Variants in FREM2 observed in about 807,000 individuals in gnomAD.
FREM2 encodes FRAS1-related extracellular matrix protein 2.
Under a neutral mutation model 219.9 loss-of-function variants are expected in FREM2, and 119 were observed. The ratio of observed to expected loss-of-function variants is 0.54; its 90% confidence interval spans 0.47 to 0.63. FREM2 has a LOEUF of 0.63. Among genes scored for constraint, FREM2 ranks in the 30% least tolerant of loss-of-function variants. The probability of loss-of-function intolerance (pLI) is 0.00; values close to 1 mark genes in which losing one functional copy is unlikely to be tolerated. For missense variants in FREM2, 4,030 were observed against 3,993.6 expected (o/e 1.01, Z -0.25); for synonymous variants, 1,562 against 1,522.8 (o/e 1.03, Z -0.60).
At chr13:38,737,825 CT>C (rs1872060184) in intron 2 of FREM2, among the ~76,000 whole-genome samples, 1 of 152,130 alleles carries the variant, frequency 6.6e-6, no homozygotes, top group Non-Finnish European at 1.5e-5. Flanking sequence ...AGGTTTTAGA[CT>C]TTATCCTCAA....
At chr13:38,704,894 C>T (rs1184446485) in intron 2 of FREM2, among the ~76,000 whole-genome samples, 1 of 151,976 alleles carries the variant, frequency 6.6e-6, no homozygotes, top group African/African-American at 2.4e-5. Context: ...ACTTTTAAAC[C>T]ATCAGATCTC....
At position 38,848,518 on chromosome 13, in the gene FREM2, TG is replaced by T; in HGVS notation, c.6228del (p.Met2076IlefsTer31). 6.2e-7 allele frequency: 1 copy of T among 1,614,096 alleles called. No homozygotes were observed. The highest frequency in any genetic ancestry group is 8.5e-7 in the Non-Finnish European group (1 of 1,179,974). On this transcript the variant is annotated frameshift_variant, in exon 8 of 24. Transcript: ENST00000280481. LOFTEE classifies it high-confidence loss of function. ...RNLDFAPGVN[M>X]QPVRVVILDD... The stretch of plus-strand genomic sequence containing the variant: ...TTAGATTTTGCACCTGGAGTCAACA[TG>T]CAGCCTGTTCGTGTTGTCATTCTGG...
At chr13:38,698,641 A>G (rs1870216533) in intron 2 of FREM2, among the ~76,000 whole-genome samples, 1 of 152,174 alleles carries the variant, frequency 6.6e-6, no homozygotes, top group Non-Finnish European at 1.5e-5. Context: ...TATGTGAGAG[A>G]GCAGAGAGAG....
chr13:38,688,551 G>A lies in FREM2; in HGVS notation c.1207G>A (p.Asp403Asn). The stretch of plus-strand genomic sequence containing the variant: ...CTACCAGCCCCCTTCTGAAGACTCT[G>A]ACCAGGAGCGCCTCTTTGAACTGGA... ...IAYQPPSEDS[D>N]QERLFELELE... The change falls in exon 1 of 24, where the codon GAC becomes AAC. Residue 403 changes from aspartate (D) to asparagine (N), a missense_variant. Physicochemically the swap from Asp to Asn is conservative, Grantham distance 23. Coordinates refer to ENST00000280481, the MANE Select transcript of FREM2 (RefSeq NM_207361.6). 1 of 1,613,746 alleles carries A rather than the reference G, an allele frequency of 6.2e-7. No homozygotes were observed. Among genetic ancestry groups the A allele is most frequent in the South Asian group, 1.1e-5 (1 of 91,012 alleles).
intron 2 of FREM2, among the ~76,000 whole-genome samples, chr13:38,715,330 G>A (rs533658856): frequency 6.6e-6 from 1 of 152,306 alleles, no homozygotes; most frequent in African/African-American, 2.4e-5. Context: ...TCAAAAAGTA[G>A]GGAAGGGTGG....
chr13:38,719,883 C>CA (rs1871154554), intron 2 of FREM2, among the ~76,000 whole-genome samples: 1 of 152,102 alleles, frequency 6.6e-6, no homozygotes, highest in South Asian at 2.1e-4. Context: ...TTCTCCTTTG[C>CA]AAAAATATCT....
At chr13:38,711,684 T>C (rs979013821) in intron 2 of FREM2, among the ~76,000 whole-genome samples, 6 of 152,200 alleles carry the variant, frequency 3.9e-5, no homozygotes, top group Non-Finnish European at 8.8e-5. Context: ...CATGCATAGA[T>C]AGTTTTTAAA....
chr13:38,880,866 C>T lies in FREM2; in HGVS notation c.*79C>T. The T allele has an allele frequency of 2.6e-6, 4 of 1,514,130 alleles. No homozygotes were observed. Among genetic ancestry groups the T allele is most frequent in the Non-Finnish European group, 3.6e-6 (4 of 1,096,566 alleles). 93.8% of individuals were successfully genotyped at this position (1,514,130 alleles called of 1,614,324 possible). On this transcript the variant is annotated 3_prime_UTR_variant, in exon 24 of 24. Transcript: ENST00000280481. ...TGGAACCTTAAATACTTCTGGTAAA[C>T]CATAGAGAATGGAGGATGGCTGTGA...
chr13:38,852,045 AG>A (rs1365820702), intron 11 of FREM2, among the ~76,000 whole-genome samples, 177 bp downstream of exon 11: 2 of 152,180 alleles, frequency 1.3e-5, no homozygotes, highest in African/African-American at 4.8e-5. Flanking sequence ...TATATTATGT[AG>A]TAGTGAAGTC....
chr13:38,746,405 A>G (rs879671567), intron 2 of FREM2, among the ~76,000 whole-genome samples: 6 of 152,188 alleles, frequency 3.9e-5, no homozygotes, highest in Admixed American at 2.0e-4. Flanking sequence ...GCCATAACAC[A>G]TAAAAATGGC....
intron 6 of FREM2, among the ~76,000 whole-genome samples, chr13:38,789,710 A>G (rs1874482068): frequency 6.6e-6 from 1 of 150,850 alleles, no homozygotes. Flanking sequence ...TATTTTGATA[A>G]CTATATTTGC....
chr13:38,693,615 C>T (rs1426842673), intron 1 of FREM2, among the ~76,000 whole-genome samples: 1 of 152,212 alleles, frequency 6.6e-6, no homozygotes, highest in African/African-American at 2.4e-5. Context: ...AGAATGGACA[C>T]TAGATCTTTC....
chr13:38,857,195 G>T (rs981122835), intron 12 of FREM2, among the ~76,000 whole-genome samples: 6 of 152,142 alleles, frequency 3.9e-5, no homozygotes, highest in Admixed American at 1.3e-4. Flanking sequence ...AGCGATGAAA[G>T]CTTCTTTTAA....
rs1317880287 is a variant in FREM2, at chr13:38,880,335, A to G, written c.9058A>G (p.Lys3020Glu). Residue 3020 changes from lysine (K) to glutamate (E), a missense_variant, in exon 24 of 24, where the codon AAA (lysine) becomes GAA (glutamate). Physicochemically the swap from Lys to Glu is moderately conservative, Grantham distance 56. Coordinates refer to ENST00000280481, the MANE Select transcript of FREM2 (RefSeq NM_207361.6). ...YIHTIYTVRS[K>E]DNANRGIGKR... ...ACATACGATCTATACAGTGAGATCG[A>G]AAGACAATGCCAATCGAGGTATTGG... 5.0e-5 allele frequency: 81 copies of G among 1,613,992 alleles called. No homozygotes were observed. Among genetic ancestry groups the G allele is most frequent in the Non-Finnish European group, 6.9e-5 (81 of 1,180,002 alleles).
chr13:38,710,691 G>T (rs1021030470), intron 2 of FREM2, among the ~76,000 whole-genome samples: 4 of 152,212 alleles, frequency 2.6e-5, no homozygotes, highest in Admixed American at 6.5e-5. Context: ...CAATAAATAC[G>T]TGTGGAGTGA....
At chr13:38,854,480 G>A (rs139006443) in intron 11 of FREM2, among the ~76,000 whole-genome samples, 11 of 152,204 alleles carry the variant, frequency 7.2e-5, no homozygotes, top group Admixed American at 2.0e-4. Flanking sequence ...CCTAGTGTTC[G>A]TAGTCTTCTG....
chr13:38,704,776 T>A (rs1270511891), intron 2 of FREM2, among the ~76,000 whole-genome samples: 1 of 152,190 alleles, frequency 6.6e-6, no homozygotes, highest in Non-Finnish European at 1.5e-5. Context: ...CAGTTATGCA[T>A]GGCTGGGGAG....
chr13:38,766,273 G>C (rs1727096101), intron 3 of FREM2, among the ~76,000 whole-genome samples: 1 of 151,814 alleles, frequency 6.6e-6, no homozygotes, highest in East Asian at 1.9e-4. Flanking sequence ...AGCTCTTTTT[G>C]TTGTTATTTT....
chr13:38,737,103 CAT>C (rs1383455221), intron 2 of FREM2, among the ~76,000 whole-genome samples: 1 of 152,154 alleles, frequency 6.6e-6, no homozygotes, highest in Non-Finnish European at 1.5e-5. Context: ...GTGAGTGTAT[CAT>C]GTGTGGGGAT....
Sources: allele counts gnomAD v4.1 joint callset (sites outside exome capture counted in the v4.1 genomes callset), GRCh38; gene constraint gnomAD v4.1.1; transcripts MANE v1.5; gene names NCBI Gene and HGNC (gene_info 2026-07-23, HGNC 2026-07-21).